The following SLC11A2 variants were observed in gnomAD, a reference collection of about 807,000 sequenced individuals.
SLC11A2 encodes the protein solute carrier family 11 member 2.
A neutral mutation model predicts 68.0 loss-of-function variants in SLC11A2; 38 were observed. The observed-to-expected ratio is 0.56, with a 90% CI of 0.43 to 0.73. The LOEUF (loss-of-function observed/expected upper bound fraction) is 0.73. SLC11A2 is among the 30% of genes least tolerant of loss of function. SLC11A2 has a pLI of 0.00. For missense variants in SLC11A2, 517 were observed against 690.5 expected, an observed-to-expected ratio of 0.75 and a Z score of 2.82; for synonymous variants, 242 against 250.6, an observed-to-expected ratio of 0.97 and a Z score of 0.32.
At chr12:50,974,826 C>T (rs985959973), downstream of SLC11A2, among the ~76,000 whole-genome samples, 1 of 151,830 alleles carries the variant, frequency 6.6e-6, no homozygotes, top group Non-Finnish European at 1.5e-5. Context: ...CAAAAAGAGG[C>T]AGGGGTTGCA....
In SLC11A2 at chr12:50,986,906, C is replaced by T. The variant is rs1229254422; in HGVS notation, c.*1419G>A. On this transcript the variant is annotated 3_prime_UTR_variant, in exon 16 of 16. Transcript: ENST00000262052. ...GGGGGCTCAGATGAACAGCGAACACCAATCAGCCAGGACTCTGGAAGGAAA... is the reference window on the plus strand; with the variant it reads ...GGGGGCTCAGATGAACAGCGAACACTAATCAGCCAGGACTCTGGAAGGAAA... 7.8e-7 allele frequency: 1 copy of T among 1,287,142 alleles called. No individual in the cohort carries two copies. The allele number at this position is 1,287,142 out of a possible 1,614,324, so 79.7% of individuals were successfully genotyped here. A position where few individuals can be genotyped will look rare whatever the true frequency, so the allele number is the denominator to read the frequency against.
At chr12:51,000,894 G>A (rs527835481) in intron 5 of SLC11A2, among the ~76,000 whole-genome samples, 6 of 152,184 alleles carry the variant, frequency 3.9e-5, no homozygotes, top group East Asian at 1.9e-4. Context: ...GGCTGGGCGC[G>A]GTGGCTCACA....
downstream of SLC11A2, among the ~76,000 whole-genome samples, chr12:50,984,236 T>C (rs1442360361): frequency 2.6e-5 from 4 of 152,202 alleles, no homozygotes; most frequent in Admixed American, 2.6e-4. Context: ...CCTCACAGGC[T>C]TGCAGTGATG....
At chr12:50,994,974 A>T in intron 10 of SLC11A2, 1 of 329,322 alleles carries the variant, frequency 3.0e-6, no homozygotes. Context: ...AAGCAGACAG[A>T]GGAGTCAGAG....
downstream of SLC11A2, chr12:50,981,883 C>T (rs1296202854): frequency 5.3e-6 from 4 of 760,412 alleles, no homozygotes; most frequent in African/African-American, 7.1e-5. Context: ...CTATAATTAG[C>T]ACATCAATTT....
the SLC11A2 span, among the ~76,000 whole-genome samples, chr12:50,967,128 G>A: frequency 6.9e-6 from 1 of 145,440 alleles, no homozygotes; most frequent in Admixed American, 6.8e-5. Context: ...AAAAAAAAAA[G>A]AAAGAGAAAT....
the SLC11A2 span, among the ~76,000 whole-genome samples, chr12:50,962,558 G>T: frequency 1.3e-5 from 2 of 151,962 alleles, no homozygotes; most frequent in African/African-American, 2.4e-5. Context: ...AAATTAGCCA[G>T]GTGTGGCATG....
chr12:50,956,406 G>T, the SLC11A2 span, among the ~76,000 whole-genome samples: 1 of 152,016 alleles, frequency 6.6e-6, no homozygotes, highest in Non-Finnish European at 1.5e-5. Context: ...AAAAAAATTG[G>T]ATATATATCA....
chr12:50,962,411 A>T, the SLC11A2 span, among the ~76,000 whole-genome samples: 1 of 150,090 alleles, frequency 6.7e-6, no homozygotes, highest in Admixed American at 6.6e-5. Flanking sequence ...AACTCCATCT[A>T]AAAAAAAGCC....
At chr12:51,025,681 A>G (rs1382716923) in intron 1 of SLC11A2, 1 of 836,880 alleles carries the variant, frequency 1.2e-6, no homozygotes, top group Non-Finnish European at 1.4e-6. Context: ...ACATATGTGC[A>G]ATATCCCCCT....
At chr12:51,013,858 G>A (rs1001758226) in intron 1 of SLC11A2, among the ~76,000 whole-genome samples, 7 of 151,872 alleles carry the variant, frequency 4.6e-5, no homozygotes, top group East Asian at 3.9e-4. Context: ...GTCTCACTCC[G>A]TCACTCAGGC....
intron 12 of SLC11A2, 101 bp from the exon 13 acceptor site, chr12:50,992,440 G>A (rs1941245164): frequency 7.2e-6 from 8 of 1,118,414 alleles, no homozygotes; most frequent in Middle Eastern, 2.9e-4. Context: ...ATTAAGAAGT[G>A]ACAAAAGGGG....
chr12:51,001,164 CAA>C (rs34496378), intron 5 of SLC11A2, among the ~76,000 whole-genome samples: 19 of 103,774 alleles, frequency 1.8e-4, no homozygotes, highest in Admixed American at 4.3e-4. Flanking sequence ...GACTCCATCT[CAA>C]AAAAAAAAAA....
downstream of SLC11A2, among the ~76,000 whole-genome samples, chr12:50,978,776 C>T (rs2136114892): frequency 6.6e-6 from 1 of 152,210 alleles, no homozygotes; most frequent in East Asian, 1.9e-4. Context: ...CATAACAATA[C>T]TTGAATTTGC....
rs1941072763 is a variant in SLC11A2 at position 50,990,808 on chromosome 12, A to G, written c.1562T>C (p.Phe521Ser). The part of the protein sequence containing the change: ...AAVVSVAYLG[F>S]VFYLGWQCLI... ...GGCTAGACTTACCAAGTAGAACACA[A>G]AGCCCAGATAAGCCACGCTGACCAC... Residue 521 changes from phenylalanine to serine, a missense_variant, in exon 15 of 16, where the codon TTT becomes TCT. Physicochemically the swap from Phe to Ser is radical, Grantham distance 155 (BLOSUM62 -2). Coordinates refer to ENST00000262052, the MANE Select transcript of SLC11A2 (RefSeq NM_000617.3). 5 of 1,613,950 alleles carry G rather than the reference A, an allele frequency of 3.1e-6. No individual in the cohort carries two copies. The highest frequency in any genetic ancestry group is 3.3e-4 in the Middle Eastern group (2 of 6,084).
At chr12:51,017,439 C>T (rs1280064525) in intron 1 of SLC11A2, among the ~76,000 whole-genome samples, 2 of 152,074 alleles carry the variant, frequency 1.3e-5, no homozygotes, top group South Asian at 2.1e-4. Flanking sequence ...CACACGTACA[C>T]GTACAATCTC....
the SLC11A2 span, among the ~76,000 whole-genome samples, chr12:50,962,764 TG>T: frequency 1.3e-5 from 2 of 152,112 alleles, no homozygotes; most frequent in Non-Finnish European, 2.9e-5. Context: ...TAACTAGGGC[TG>T]GGAGGCCAGA....
Position 51,008,565 on chromosome 12 carries a change from T to C in SLC11A2, c.94A>G (p.Ser32Gly), listed in dbSNP as rs1294702056. 1 of 1,612,284 alleles carries C rather than the reference T, an allele frequency of 6.2e-7. No individual in the cohort carries two copies. Among genetic ancestry groups the C allele is most frequent in the Non-Finnish European group, 8.5e-7 (1 of 1,178,392 alleles). The part of the protein sequence containing the change: ...ASLGNINPAY[S>G]NPSLSQSPGD... ...GGGGACTGTGAAAGAGAGGGATTAC[T>C]ATAGGCAGGGTTGATGTTACCAAGA... The change falls in exon 3 of 16, where the codon AGT becomes GGT. Residue 32 changes from serine (S) to glycine (G), a missense_variant. By Grantham distance (56) the Ser-to-Gly change is moderately conservative. Coordinates refer to ENST00000262052, the MANE Select transcript of SLC11A2 (RefSeq NM_000617.3).
intron 1 of SLC11A2, among the ~76,000 whole-genome samples, chr12:51,018,272 G>A (rs1943799267): frequency 6.6e-6 from 1 of 152,030 alleles, no homozygotes; most frequent in African/African-American, 2.4e-5. Context: ...GTGGGTGCCT[G>A]TAATCCCAGC....
Sources: gnomAD v4.1 joint callset for allele counts (sites outside exome capture counted in the v4.1 genomes callset) on GRCh38, gnomAD v4.1.1 for gene constraint, MANE v1.5 for transcripts, NCBI Gene and HGNC (gene_info 2026-07-23, HGNC 2026-07-21) for gene names.